Variants in PTPN5 observed in about 807,000 individuals in gnomAD.
PTPN5 encodes tyrosine-protein phosphatase non-receptor type 5.
Under a neutral mutation model 73.9 loss-of-function variants are expected in PTPN5, and 29 were observed. The observed-to-expected ratio is 0.39, with a 90% CI of 0.29 to 0.54. The LOEUF (loss-of-function observed/expected upper bound fraction) is 0.54. Ranked by LOEUF, PTPN5 falls within the 20% of genes least tolerant of loss-of-function variation. The pLI, the probability that PTPN5 is intolerant of heterozygous loss-of-function variation, is 0.65. For synonymous variants in PTPN5, 267 were observed against 304.7 expected (o/e 0.88, Z 1.29); for missense variants, 652 against 751.4 (o/e 0.87, Z 1.55).
chr11:18,778,060 G>A (rs1851253323), intron 1 of PTPN5, among the ~76,000 whole-genome samples: 2 of 152,088 alleles, frequency 1.3e-5, no homozygotes, highest in Non-Finnish European at 2.9e-5. Flanking sequence ...AATTTTCATG[G>A]TGTAAATGCT....
At chr11:18,757,372 G>A (rs1212610467) in intron 3 of PTPN5, among the ~76,000 whole-genome samples, 4 of 152,242 alleles carry the variant, frequency 2.6e-5, no homozygotes, top group Non-Finnish European at 4.4e-5. Context: ...CCAGGAAAAT[G>A]TCCCTCATCC....
At chr11:18,763,093 A>G (rs568722385) in intron 3 of PTPN5, among the ~76,000 whole-genome samples, 4 of 152,300 alleles carry the variant, frequency 2.6e-5, no homozygotes, top group African/African-American at 9.6e-5. Flanking sequence ...CCCATGGAGG[A>G]GGCAAATAAT....
chr11:18,776,259 C>T (rs1851149933), intron 1 of PTPN5, among the ~76,000 whole-genome samples: 1 of 152,148 alleles, frequency 6.6e-6, no homozygotes, highest in African/African-American at 2.4e-5. Flanking sequence ...ACCTATAATG[C>T]TTTAGGATGC....
In PTPN5 at chr11:18,729,176, CCCTT is replaced by C. The variant is rs1751619263; in HGVS notation, c.1605-153_1605-150del. On this transcript the variant is annotated intron_variant, in intron 14 of 14. Transcript: ENST00000358540. This position sits in a 1 kb window ranked among gnomAD's most constrained non-coding sequence, Gnocchi z 5.2. ...ACCCTTGCCAACCATTACCCTCTGC[CCCTT>C]CCTATCAGGGACACAGATGACATGT... 1.4e-6 allele frequency: 1 copy of C among 719,552 alleles called. No homozygotes were observed. Among genetic ancestry groups the C allele is most frequent in the Non-Finnish European group, 2.3e-6 (1 of 432,296 alleles). The allele number at this position is 719,552 out of a possible 1,614,324, so 44.6% of individuals were successfully genotyped here.
At chr11:18,790,536 G>GT (rs1851868140) in intron 1 of PTPN5, among the ~76,000 whole-genome samples, 2 of 152,272 alleles carry the variant, frequency 1.3e-5, no homozygotes, top group South Asian at 2.1e-4. Context: ...AACCCGGAGT[G>GT]TTTGAGTGTT....
chr11:18,764,264 T>G, intron 3 of PTPN5, among the ~76,000 whole-genome samples: 1 of 152,372 alleles, frequency 6.6e-6, no homozygotes, highest in Middle Eastern at 3.4e-3. Context: ...GCCAAAGGCC[T>G]GTTTTTAATT....
At position 18,732,772 on chromosome 11, in the gene PTPN5, G is replaced by A. The variant is rs1848944158; in HGVS notation, c.1219-70C>T. The A allele has an allele frequency of 1.2e-5, 16 of 1,307,956 alleles. No homozygotes were observed. The South Asian group carries it at 1.8e-4, about 15-fold the overall frequency. 81.0% of individuals were successfully genotyped at this position (1,307,956 alleles called of 1,614,324 possible). A position where few individuals can be genotyped will look rare whatever the true frequency, so the allele number is the denominator to read the frequency against. ...CCACAACTCTCTACACTCTCTTCAG[G>A]GCCAGCGGAGAGATACACAAGGGCA... is the stretch of plus-strand genomic sequence containing the variant. On this transcript the variant is annotated intron_variant, in intron 11 of 14. Transcript: ENST00000358540.
rs1022683779 is a variant in PTPN5 at position 18,765,992 on chromosome 11, T to C, written c.21-109A>G. ...CTCCTGTATTCTGTATCCCTTTGAA[T>C]AACCCCACCCCATCAAAGGGACCTG... On this transcript the variant is annotated intron_variant, in intron 2 of 14. Transcript: ENST00000358540. 4 of 818,342 alleles carry C rather than the reference T, an allele frequency of 4.9e-6. No individual in the cohort carries two copies. The African/African-American group carries it at 6.8e-5, about 14-fold the overall frequency. 50.7% of individuals were successfully genotyped at this position (818,342 alleles called of 1,614,324 possible). A position where few individuals can be genotyped will look rare whatever the true frequency, so the allele number is the denominator to read the frequency against.
chr11:18,736,528 C>T (rs1050093249), intron 9 of PTPN5, among the ~76,000 whole-genome samples: 2 of 152,170 alleles, frequency 1.3e-5, no homozygotes, highest in African/African-American at 4.8e-5. Flanking sequence ...GGGCAGGAGC[C>T]GAGGAAATGT....
At chr11:18,764,712 G>A (rs1243916217) in intron 3 of PTPN5, among the ~76,000 whole-genome samples, 1 of 152,022 alleles carries the variant, frequency 6.6e-6, no homozygotes, top group African/African-American at 2.4e-5. Flanking sequence ...GTTTTGTTTT[G>A]TTTTGTTTTG....
chr11:18,754,125 G>C (rs1418732423), intron 3 of PTPN5, among the ~76,000 whole-genome samples: 2 of 152,152 alleles, frequency 1.3e-5, no homozygotes, highest in Non-Finnish European at 2.9e-5. Context: ...GCACTGAGGA[G>C]TATGATGGAA....
intron 2 of PTPN5, among the ~76,000 whole-genome samples, chr11:18,769,547 T>C (rs58946138): frequency 0.12 from 17,507 of 152,038 alleles, 3,088 homozygotes; most frequent in African/African-American, 0.38. Flanking sequence ...GGATTACAGG[T>C]GCCTGCCACT....
intron 3 of PTPN5, among the ~76,000 whole-genome samples, chr11:18,756,242 C>T (rs1485295817): frequency 1.3e-5 from 2 of 151,304 alleles, no homozygotes; most frequent in Non-Finnish European, 2.9e-5. Context: ...CTGGTTCAGA[C>T]AGCCTAGTTC....
At chr11:18,743,554 C>G in intron 4 of PTPN5, 125 bp from the exon 5 acceptor site, 1 of 861,422 alleles carries the variant, frequency 1.2e-6, no homozygotes, top group Non-Finnish European at 1.9e-6. Flanking sequence ...AGGTCCAGAC[C>G]GGGCAGCTGA....
At chr11:18,764,284 T>C (rs1409508748) in intron 3 of PTPN5, among the ~76,000 whole-genome samples, 1 of 152,232 alleles carries the variant, frequency 6.6e-6, no homozygotes, top group Admixed American at 6.5e-5. Flanking sequence ...TTCAATGCCT[T>C]GGGCTTACGT....
rs539878204 is a variant in PTPN5 at position 18,769,686 on chromosome 11, G to A, written c.20+2253C>T. The stretch of plus-strand genomic sequence containing the variant: ...CCCAAAGTACTGGGATTACAGGCGT[G>A]AGCCACCGCGCCCGGCCAGGGACTG... On this transcript the variant is annotated intron_variant, in intron 2 of 14. Transcript: ENST00000358540. Among the ~76,000 whole-genome samples, 4 of 152,356 alleles carry A rather than the reference G, an allele frequency of 2.6e-5. No homozygotes were observed. The East Asian group carries it at 7.7e-4, about 29-fold the overall frequency.
Position 18,780,265 on chromosome 11 carries a change from A to G in PTPN5, c.-113-8194T>C, listed in dbSNP as rs1447582775. 2.6e-5 allele frequency among the ~76,000 whole-genome samples: 4 copies of G among 152,188 alleles called. No individual in the cohort carries two copies. The South Asian group carries it at 6.2e-4, about 24-fold the overall frequency. On this transcript the variant is annotated intron_variant, in intron 1 of 14. Coordinates refer to ENST00000358540, the MANE Select transcript of PTPN5 (RefSeq NM_006906.2). ...GCTCCAGGCTGTTTCCAGGTCCCCA[A>G]GTCAGACCCAGAGCCCTAGGAAAGG...
At position 18,765,290 on chromosome 11, in the gene PTPN5, C is replaced by T. The variant is rs1369948117; in HGVS notation, c.97+517G>A. Among the ~76,000 whole-genome samples, 4 of 152,000 alleles carry T rather than the reference C, an allele frequency of 2.6e-5. No homozygotes were observed. In the East Asian group the frequency reaches 5.8e-4, roughly 22 times the overall value. Reference sequence around the variant, plus strand: ...AGCTGCCACCCTGTGGGCAAGAGTGCCTTGGTAATATCTCCACGGTGGCTG... The same window carrying T: ...AGCTGCCACCCTGTGGGCAAGAGTGTCTTGGTAATATCTCCACGGTGGCTG... On this transcript the variant is annotated intron_variant, in intron 3 of 14. Transcript: ENST00000358540.
chr11:18,747,388 TG>T (rs1849690568), intron 3 of PTPN5, among the ~76,000 whole-genome samples: 1 of 151,988 alleles, frequency 6.6e-6, no homozygotes, highest in Non-Finnish European at 1.5e-5. Flanking sequence ...TGACCTCAGG[TG>T]ATCTGCCTGC....
Sources: allele counts gnomAD v4.1 joint callset (sites outside exome capture counted in the v4.1 genomes callset), GRCh38; gene constraint gnomAD v4.1.1; non-coding constraint Gnocchi (gnomAD v3.1); transcripts MANE v1.5; gene names NCBI Gene and HGNC (gene_info 2026-07-23, HGNC 2026-07-21).